GRIN2B: variants seen among roughly 807,000 people sequenced by gnomAD.
GRIN2B encodes the protein glutamate ionotropic receptor NMDA type subunit 2B.
GRIN2B carries 5 observed loss-of-function variants against 114.5 expected under a neutral mutation model. The ratio of observed to expected loss-of-function variants is 0.04; its 90% CI spans 0.02 to 0.09. The LOEUF (loss-of-function observed/expected upper bound fraction) is 0.09, where lower values mean the gene tolerates loss of function less well. Ranked by LOEUF, GRIN2B falls within the 10% of genes least tolerant of loss-of-function variation. The probability of loss-of-function intolerance (pLI) is 1.00; values close to 1 mark genes in which losing one functional copy is unlikely to be tolerated. For missense variants in GRIN2B, 1,108 were observed against 1,943.5 expected, an observed-to-expected ratio of 0.57 and a Z score of 8.08; for synonymous variants, 787 against 745.1, an observed-to-expected ratio of 1.06 and a Z score of -0.92.
intron 3 of GRIN2B, among the ~76,000 whole-genome samples, chr12:13,847,793 G>T (rs1865494733): frequency 6.6e-6 from 1 of 152,156 alleles, no homozygotes; most frequent in African/African-American, 2.4e-5. Flanking sequence ...AGTCCATGAG[G>T]GCAGGGAAAA....
intron 2 of GRIN2B, among the ~76,000 whole-genome samples, chr12:13,953,073 A>G (rs754277394): frequency 1.1e-4 from 16 of 151,946 alleles, no homozygotes; most frequent in Non-Finnish European, 1.8e-4. Flanking sequence ...GATGCATGCT[A>G]GAATCATCTG....
At position 13,563,403 on chromosome 12, in the gene GRIN2B, T is replaced by A. The variant is rs372152403; in HGVS notation, c.3835A>T (p.Thr1279Ser). The change falls in exon 14 of 14, where the codon ACT becomes TCT. Residue 1279 changes from threonine (T) to serine (S), a missense_variant. Transcript: ENST00000609686. Reference protein sequence around the residue: ...PVAVTSNASTTKYPQSPTNSK... With the variant: ...PVAVTSNASTSKYPQSPTNSK... ...TTAGTCGGGCTCTGAGGGTACTTAGTGGTGGAGGCGTTTGACGTCACCGCC... is the reference window on the plus strand; with the variant it reads ...TTAGTCGGGCTCTGAGGGTACTTAGAGGTGGAGGCGTTTGACGTCACCGCC... The A allele has an allele frequency of 1.8e-5, 29 of 1,614,076 alleles. No individual in the cohort carries two copies. The highest frequency in any genetic ancestry group is 2.5e-5 in the Non-Finnish European group (29 of 1,180,042).
At chr12:13,838,742 G>A (rs957549370) in intron 3 of GRIN2B, among the ~76,000 whole-genome samples, 1 of 152,174 alleles carries the variant, frequency 6.6e-6, no homozygotes, top group African/African-American at 2.4e-5. Context: ...TAATAGGAAG[G>A]GCGAGGAAGG....
At chr12:13,767,974 C>A (rs923401996) in intron 3 of GRIN2B, among the ~76,000 whole-genome samples, 1 of 152,166 alleles carries the variant, frequency 6.6e-6, no homozygotes, top group African/African-American at 2.4e-5. Flanking sequence ...GGGAGAATAA[C>A]CTCAGATTCC....
intron 4 of GRIN2B, among the ~76,000 whole-genome samples, chr12:13,682,987 T>C (rs1398192402): frequency 6.6e-6 from 1 of 152,184 alleles, no homozygotes; most frequent in Non-Finnish European, 1.5e-5. Context: ...AGAAAGATGC[T>C]GTCTTTGGCC....
intron 2 of GRIN2B, among the ~76,000 whole-genome samples, chr12:13,961,318 G>C (rs1245710502): frequency 6.6e-6 from 1 of 152,042 alleles, no homozygotes; most frequent in Non-Finnish European, 1.5e-5. Context: ...AGGAAGCAAA[G>C]CCTGAAGTCA....
At chr12:13,588,042 T>C (rs933326760) in intron 10 of GRIN2B, among the ~76,000 whole-genome samples, 2 of 152,238 alleles carry the variant, frequency 1.3e-5, no homozygotes, top group African/African-American at 2.4e-5. Flanking sequence ...CTTCCTCACC[T>C]ACCTAGTGGG....
chr12:13,847,553 C>T (rs74824965), intron 3 of GRIN2B, among the ~76,000 whole-genome samples: 1,922 of 152,104 alleles, frequency 0.013, 43 homozygotes, highest in African/African-American at 0.045. Context: ...GGATGAAGCA[C>T]GATGATGGCT....
intron 10 of GRIN2B, among the ~76,000 whole-genome samples, chr12:13,574,552 G>A (rs901078995): frequency 6.6e-6 from 1 of 152,116 alleles, no homozygotes; most frequent in Non-Finnish European, 1.5e-5. Context: ...TGAAAAAAAT[G>A]GCAATCCATG....
At chr12:13,605,539 T>TCG (rs1216501556) in intron 10 of GRIN2B, among the ~76,000 whole-genome samples, 1 of 70,454 alleles carries the variant, frequency 1.4e-5, no homozygotes, top group African/African-American at 5.7e-5. Context: ...TCTCTCTCTC[T>TCG]CTCTCTCTCT....
At position 13,753,538 on chromosome 12, in the gene GRIN2B, T is replaced by G. The variant is rs747673284; in HGVS notation, c.789A>C (p.Ala263=). 3 of 1,614,070 alleles carry G rather than the reference T, an allele frequency of 1.9e-6. No individual in the cohort carries two copies. In the South Asian group the frequency reaches 3.3e-5, roughly 18 times the overall value. The change falls in exon 4 of 14, where the codon GCA becomes GCC. Residue 263 remains alanine, a synonymous_variant. Transcript: ENST00000609686. This position sits in a 1 kb window ranked among gnomAD's most constrained non-coding sequence, Gnocchi z 6.2. ...GYTWIVPSLV[A]GDTDTVPAEF... ...CCGCAGGCACTGTGTCTGTATCCCC[T>G]GCCACCAGACTGGGCACGATCCACG...
At chr12:13,738,342 C>G (rs1428172443) in intron 4 of GRIN2B, among the ~76,000 whole-genome samples, 1 of 152,196 alleles carries the variant, frequency 6.6e-6, no homozygotes, top group Non-Finnish European at 1.5e-5. Flanking sequence ...GCCGACACAT[C>G]AAATTTGAAA....
chr12:13,940,013 TC>T (rs1382003714), intron 2 of GRIN2B, among the ~76,000 whole-genome samples: 1 of 152,256 alleles, frequency 6.6e-6, no homozygotes, highest in Admixed American at 6.5e-5. Context: ...TAAGTGCAGG[TC>T]CATGGTCCAG....
rs1948433673 is a variant in GRIN2B, at chr12:13,553,051, TGGCC to T, written c.*9728_*9731del. The T allele has an allele frequency of 6.6e-6, 1 of 152,202 alleles. No individual in the cohort carries two copies. Among genetic ancestry groups the T allele is most frequent in the Admixed American group, 6.5e-5 (1 of 15,270 alleles). The allele number at this position is 152,202 out of a possible 1,614,324, so 9.4% of individuals were successfully genotyped here. A position where few individuals can be genotyped will look rare whatever the true frequency, so the allele number is the denominator to read the frequency against. On this transcript the variant is annotated 3_prime_UTR_variant, in exon 14 of 14. Coordinates refer to ENST00000609686, the MANE Select transcript of GRIN2B (RefSeq NM_000834.5). ...GCATAATGAGATTTACAGAGAAGGC[TGGCC>T]GGGAGAAGGAACGAAAACATTATCG...
At chr12:13,619,361 C>T (rs571577478) in intron 5 of GRIN2B, among the ~76,000 whole-genome samples, 4 of 152,352 alleles carry the variant, frequency 2.6e-5, no homozygotes, top group Admixed American at 1.3e-4. Flanking sequence ...TATAGACATA[C>T]ATCATCTAGC....
intron 2 of GRIN2B, among the ~76,000 whole-genome samples, chr12:13,923,135 A>G (rs1027860683): frequency 3.9e-5 from 6 of 152,124 alleles, no homozygotes; most frequent in Non-Finnish European, 5.9e-5. Flanking sequence ...TGAGCTGCAA[A>G]AAAGGCCCAA....
intron 3 of GRIN2B, among the ~76,000 whole-genome samples, chr12:13,756,089 C>G (rs1863570578): frequency 1.3e-5 from 2 of 152,232 alleles, no homozygotes; most frequent in African/African-American, 4.8e-5. Flanking sequence ...ACAATCTCAG[C>G]TCACTGCAAC....
intron 2 of GRIN2B, among the ~76,000 whole-genome samples, chr12:13,877,915 T>C (rs1404773455): frequency 6.6e-6 from 1 of 151,616 alleles, no homozygotes; most frequent in Admixed American, 6.6e-5. Flanking sequence ...ATACAAAAAA[T>C]TAGCTGGGGG....
intron 11 of GRIN2B, 21 bp downstream of exon 11, chr12:13,571,783 G>A (rs917534591): frequency 1.2e-6 from 2 of 1,613,326 alleles, no homozygotes; most frequent in Middle Eastern, 1.7e-4. Flanking sequence ...CAAGGACTCT[G>A]AGCTTGGAAG....
Sources: allele counts gnomAD v4.1 joint callset (sites outside exome capture counted in the v4.1 genomes callset), GRCh38; gene constraint gnomAD v4.1.1; non-coding constraint Gnocchi (gnomAD v3.1); transcripts MANE v1.5; gene names NCBI Gene and HGNC (gene_info 2026-07-23, HGNC 2026-07-21).